The following CHCHD6 variants were observed in gnomAD, a reference collection of about 807,000 sequenced individuals.
CHCHD6 encodes the protein MICOS complex subunit MIC25.
CHCHD6 carries 28 observed loss-of-function variants against 32.3 expected under a neutral mutation model. That is an observed-to-expected ratio of 0.87 (90% CI 0.64 to 1.19). The LOEUF is 1.19. Among genes scored for constraint, CHCHD6 ranks in the 50% most tolerant of loss-of-function variants. The probability of loss-of-function intolerance (pLI) is 0.00; values close to 1 mark genes in which losing one functional copy is unlikely to be tolerated. For missense variants in CHCHD6, 333 were observed against 307.0 expected, an observed-to-expected ratio of 1.08 and a Z score of -0.63; for synonymous variants, 122 against 117.5, an observed-to-expected ratio of 1.04 and a Z score of -0.25.
intron 4 of CHCHD6, chr3:126,766,901 C>A: frequency 9.7e-7 from 1 of 1,032,218 alleles, no homozygotes; most frequent in Middle Eastern, 2.1e-4. Context: ...TCCTGCTCTG[C>A]GTGGCCCAGC....
At chr3:126,770,303 C>T (rs1258137790) in intron 4 of CHCHD6, among the ~76,000 whole-genome samples, 3 of 152,072 alleles carry the variant, frequency 2.0e-5, no homozygotes, top group Non-Finnish European at 4.4e-5. Flanking sequence ...TCCTCTTTTC[C>T]TGTTTGGATG....
At chr3:126,865,850 C>T (rs1211721366) in intron 5 of CHCHD6, 1 of 677,364 alleles carries the variant, frequency 1.5e-6, no homozygotes, top group Non-Finnish European at 1.8e-6. Context: ...GAAACTGCAA[C>T]CTCTCTTGCA....
At position 126,841,435 on chromosome 3, in the gene CHCHD6, C is replaced by T. The variant is rs537258927; in HGVS notation, c.412-11212C>T. Among the ~76,000 whole-genome samples the T allele has an allele frequency of 4.5e-4, 68 of 152,168 alleles. 1 individual carries two copies. Among genetic ancestry groups the T allele is most frequent in the Admixed American group, 2.5e-3 (38 of 15,288 alleles). ...CTTTTTCTGAGTCTAAAGCCTGTTC[C>T]CTGAAGCCCTTACTCTTTATTATTT... On this transcript the variant is annotated intron_variant, in intron 4 of 7. Transcript: ENST00000290913.
intron 4 of CHCHD6, among the ~76,000 whole-genome samples, chr3:126,748,505 G>A (rs1341695486): frequency 6.6e-6 from 1 of 151,146 alleles, no homozygotes; most frequent in Non-Finnish European, 1.5e-5. Flanking sequence ...TGAGATAGGA[G>A]ACTTGCTTGA....
intron 4 of CHCHD6, among the ~76,000 whole-genome samples, chr3:126,763,192 T>A (rs1937226364): frequency 6.6e-6 from 1 of 152,088 alleles, no homozygotes; most frequent in South Asian, 2.1e-4. Flanking sequence ...TTTCTGCTTC[T>A]TCCTTTCCCC....
At chr3:126,954,681 G>A (rs1023164345) in intron 6 of CHCHD6, among the ~76,000 whole-genome samples, 3 of 152,192 alleles carry the variant, frequency 2.0e-5, no homozygotes, top group African/African-American at 7.2e-5. Flanking sequence ...CAGGAACCAG[G>A]CTCACCAGGG....
chr3:126,804,116 G>C (rs1939230723), intron 4 of CHCHD6, among the ~76,000 whole-genome samples: 1 of 152,100 alleles, frequency 6.6e-6, no homozygotes, highest in South Asian at 2.1e-4. Flanking sequence ...AAGCAGGAAA[G>C]ATCCAAAATT....
intron 6 of CHCHD6, among the ~76,000 whole-genome samples, chr3:126,950,216 G>C (rs1471102314): frequency 6.6e-6 from 1 of 152,128 alleles, no homozygotes. Context: ...AGGCTTCAGA[G>C]AGGCTTTCTG....
At chr3:126,784,147 A>G (rs908020907) in intron 4 of CHCHD6, among the ~76,000 whole-genome samples, 2 of 151,912 alleles carry the variant, frequency 1.3e-5, no homozygotes, top group African/African-American at 2.4e-5. Context: ...GCAGGAATCT[A>G]TTTCACACTC....
At chr3:126,835,830 T>A (rs1940835852) in intron 4 of CHCHD6, among the ~76,000 whole-genome samples, 2 of 152,308 alleles carry the variant, frequency 1.3e-5, no homozygotes, top group South Asian at 4.1e-4. Context: ...AGCCCTTGCC[T>A]CCCTCACAGG....
chr3:126,959,088 C>A (rs1486239298), intron 7 of CHCHD6, among the ~76,000 whole-genome samples: 2 of 152,230 alleles, frequency 1.3e-5, no homozygotes, highest in Non-Finnish European at 2.9e-5. Context: ...CCCTACCCAC[C>A]ACCCCTAAGA....
rs761043841 is a variant in CHCHD6, at chr3:126,733,173, C to T, written c.362C>T (p.Pro121Leu). 8.1e-6 allele frequency: 13 copies of T among 1,614,202 alleles called. No individual in the cohort carries two copies. The highest frequency in any genetic ancestry group is 1.1e-5 in the South Asian group (1 of 91,084). Reference sequence around the variant, plus strand: ...ACCAAGCACTCCAAGGCATCCCTGCCCACGGGCGAAGGCAGCATCAGCCAT... The same window carrying T: ...ACCAAGCACTCCAAGGCATCCCTGCTCACGGGCGAAGGCAGCATCAGCCAT... ...AATKHSKASLPTGEGSISHEE... is the reference protein window; with the variant it reads ...AATKHSKASLLTGEGSISHEE... The change falls in exon 4 of 8, where the codon CCC becomes CTC. Residue 121 changes from proline to leucine, a missense_variant. Transcript: ENST00000290913.
intron 6 of CHCHD6, among the ~76,000 whole-genome samples, chr3:126,924,696 G>A (rs1177969977): frequency 6.6e-6 from 1 of 152,224 alleles, no homozygotes; most frequent in Admixed American, 6.5e-5. Flanking sequence ...GTGAACTTGA[G>A]CTGTGGTTTT....
At chr3:126,772,693 A>G (rs1479707284) in intron 4 of CHCHD6, among the ~76,000 whole-genome samples, 1 of 152,008 alleles carries the variant, frequency 6.6e-6, no homozygotes, top group Non-Finnish European at 1.5e-5. Context: ...CCAGCTTGCC[A>G]CTCTGTGCCT....
chr3:126,766,541 C>G, intron 4 of CHCHD6: 1 of 1,021,518 alleles, frequency 9.8e-7, no homozygotes, highest in Non-Finnish European at 1.5e-6. Context: ...ATGGTGACCT[C>G]TGAGAAAATG....
chr3:126,875,116 T>A (rs1203394463), intron 5 of CHCHD6, among the ~76,000 whole-genome samples: 1 of 152,238 alleles, frequency 6.6e-6, no homozygotes, highest in African/African-American at 2.4e-5. Flanking sequence ...TCCTAGCCCC[T>A]GTGTTGGCTG....
chr3:126,746,138 G>GT (rs1274245194), intron 4 of CHCHD6, among the ~76,000 whole-genome samples: 3 of 152,200 alleles, frequency 2.0e-5, no homozygotes, highest in African/African-American at 7.2e-5. Flanking sequence ...CACGTATCAG[G>GT]TAACAAAGCT....
At chr3:126,807,835 A>G (rs923811122) in intron 4 of CHCHD6, among the ~76,000 whole-genome samples, 1 of 152,184 alleles carries the variant, frequency 6.6e-6, no homozygotes, top group African/African-American at 2.4e-5. Flanking sequence ...GGGAGTGGCA[A>G]ACTTTTTCAT....
At chr3:126,824,012 C>T (rs1472819942) in intron 4 of CHCHD6, among the ~76,000 whole-genome samples, 4 of 152,068 alleles carry the variant, frequency 2.6e-5, no homozygotes, top group African/African-American at 9.7e-5. Flanking sequence ...GAATTTGAGG[C>T]TACAGTGAGC....
Sources: gnomAD v4.1 joint callset for allele counts (sites outside exome capture counted in the v4.1 genomes callset) on GRCh38, gnomAD v4.1.1 for gene constraint, MANE v1.5 for transcripts, NCBI Gene and HGNC (gene_info 2026-07-23, HGNC 2026-07-21) for gene names.